GRK3: variants seen among roughly 807,000 people sequenced by gnomAD.
The protein encoded by GRK3 is adrenergic, beta, receptor kinase 2.
GRK3 carries 54 observed loss-of-function variants against 95.7 expected under a neutral mutation model. The ratio of observed to expected loss-of-function variants is 0.56; its 90% CI spans 0.45 to 0.71. GRK3 has a LOEUF of 0.71. GRK3 is among the 30% of genes least tolerant of loss of function. The probability of loss-of-function intolerance (pLI) is 0.00; values close to 1 mark genes in which losing one functional copy is unlikely to be tolerated. For synonymous variants in GRK3, 281 were observed against 290.8 expected (o/e 0.97, Z 0.34); for missense variants, 649 against 851.2 (o/e 0.76, Z 2.96).
At chr22:25,576,018 A>G (rs1381534199) in intron 1 of GRK3, among the ~76,000 whole-genome samples, 1 of 152,228 alleles carries the variant, frequency 6.6e-6, no homozygotes, top group East Asian at 1.9e-4. Flanking sequence ...GACCCTTTTG[A>G]GAATCCTACT....
intron 2 of GRK3, among the ~76,000 whole-genome samples, chr22:25,632,732 C>T (rs978839645): frequency 2.0e-5 from 3 of 152,144 alleles, no homozygotes; most frequent in African/African-American, 7.2e-5. Flanking sequence ...AATGTTGCAG[C>T]ACCATTTGTT....
At chr22:25,679,022 G>C (rs976291225) in intron 9 of GRK3, 107 bp downstream of exon 9, 8 of 719,680 alleles carry the variant, frequency 1.1e-5, no homozygotes, top group African/African-American at 1.8e-5. Context: ...GTGAGTTCTT[G>C]GGTGGGTTAG....
At chr22:25,660,700 A>G (rs978052079) in intron 3 of GRK3, among the ~76,000 whole-genome samples, 1 of 152,220 alleles carries the variant, frequency 6.6e-6, no homozygotes, top group African/African-American at 2.4e-5. Context: ...AAAGGAAGTC[A>G]TATGTACTAA....
At chr22:25,581,038 C>G (rs977390506) in intron 1 of GRK3, 7 of 152,050 alleles carry the variant, frequency 4.6e-5, no homozygotes, top group African/African-American at 1.7e-4. Context: ...TCACTTGAAC[C>G]CAGGAGAGTG....
At chr22:25,599,736 A>C (rs2084396762) in intron 1 of GRK3, among the ~76,000 whole-genome samples, 1 of 152,220 alleles carries the variant, frequency 6.6e-6, no homozygotes, top group African/African-American at 2.4e-5. Flanking sequence ...TCACTACAGA[A>C]GATACATGAA....
chr22:25,690,080 G>A, intron 11 of GRK3, 109 bp from the exon 12 acceptor site: 2 of 736,636 alleles, frequency 2.7e-6, no homozygotes, highest in South Asian at 3.6e-5. Context: ...TTGTGTTTAG[G>A]AACAAACTAT....
At chr22:25,669,422 G>T (rs1051838350) in intron 6 of GRK3, among the ~76,000 whole-genome samples, 1 of 152,212 alleles carries the variant, frequency 6.6e-6, no homozygotes, top group South Asian at 2.1e-4. Flanking sequence ...CAGTTGCTCA[G>T]CAGGACAACG....
intron 15 of GRK3, among the ~76,000 whole-genome samples, chr22:25,707,548 A>G (rs948069704): frequency 2.6e-5 from 4 of 152,330 alleles, no homozygotes; most frequent in South Asian, 2.1e-4. Flanking sequence ...ACAGGTCCAG[A>G]TAGTGAGAAG....
chr22:25,566,347 T>G (rs1171210448), intron 1 of GRK3, among the ~76,000 whole-genome samples: 1 of 152,260 alleles, frequency 6.6e-6, no homozygotes, highest in Non-Finnish European at 1.5e-5. Context: ...CCAAGATTGC[T>G]TAAATGTTAC....
At chr22:25,666,871 G>T (rs1239374242) in intron 5 of GRK3, among the ~76,000 whole-genome samples, 1 of 152,024 alleles carries the variant, frequency 6.6e-6, no homozygotes, top group Non-Finnish European at 1.5e-5. Flanking sequence ...ATTGACTCTG[G>T]GCTGAACTGT....
intron 20 of GRK3, among the ~76,000 whole-genome samples, chr22:25,721,930 A>G (rs932596193): frequency 1.3e-5 from 2 of 152,252 alleles, no homozygotes; most frequent in Non-Finnish European, 2.9e-5. Context: ...CATTACATAC[A>G]TGAATATATA....
chr22:25,633,578 C>G (rs1296372799), intron 2 of GRK3, among the ~76,000 whole-genome samples: 1 of 151,714 alleles, frequency 6.6e-6, no homozygotes, highest in Non-Finnish European at 1.5e-5. Flanking sequence ...ATTAATTGTC[C>G]TGTTGCTTAA....
At chr22:25,636,608 A>G (rs1012888159) in intron 2 of GRK3, among the ~76,000 whole-genome samples, 5 of 152,262 alleles carry the variant, frequency 3.3e-5, no homozygotes, top group South Asian at 2.1e-4. Context: ...ACTGTACACA[A>G]TTTAATTCTG....
At position 25,726,693 on chromosome 22, in the gene GRK3, T is replaced by C. The variant is rs2085476803; in HGVS notation, c.*4243T>C. The C allele has an allele frequency of 6.6e-6, 1 of 152,206 alleles. No individual in the cohort carries two copies. Among genetic ancestry groups the C allele is most frequent in the Non-Finnish European group, 1.5e-5 (1 of 68,030 alleles). 9.4% of individuals were successfully genotyped at this position (152,206 alleles called of 1,614,324 possible). On this transcript the variant is annotated 3_prime_UTR_variant, in exon 21 of 21. Coordinates refer to ENST00000324198, the MANE Select transcript of GRK3 (RefSeq NM_005160.4). ...AGTTAAAATAGGTGAAGTTTCTTTT[T>C]TCCCCCCTGTAACAGGAGAGTTTTC...
At chr22:25,711,196 AT>A in intron 17 of GRK3, 33 bp downstream of exon 17, 1 of 1,430,426 alleles carries the variant, frequency 7.0e-7, no homozygotes, top group Non-Finnish European at 9.7e-7. Context: ...CTTTATTTTT[AT>A]TTTTGGATGG....
intron 17 of GRK3, 39 bp from the exon 18 acceptor site, chr22:25,714,369 T>A: frequency 1.3e-6 from 2 of 1,577,866 alleles, no homozygotes; most frequent in Non-Finnish European, 1.7e-6. Flanking sequence ...TTTGTAAGTA[T>A]GTTAAATCAT....
At chr22:25,578,308 C>A (rs1569150849) in intron 1 of GRK3, among the ~76,000 whole-genome samples, 1 of 152,086 alleles carries the variant, frequency 6.6e-6, no homozygotes, top group African/African-American at 2.4e-5. Flanking sequence ...AAGGAGCCAT[C>A]CAAGAAATGT....
intron 12 of GRK3, among the ~76,000 whole-genome samples, chr22:25,694,468 C>T (rs1324122409): frequency 6.6e-6 from 1 of 152,204 alleles, no homozygotes; most frequent in Non-Finnish European, 1.5e-5. Flanking sequence ...TGATTTTTCT[C>T]AACTTCCTGA....
At chr22:25,698,897 G>A (rs1191540055) in intron 13 of GRK3, among the ~76,000 whole-genome samples, 1 of 152,156 alleles carries the variant, frequency 6.6e-6, no homozygotes, top group African/African-American at 2.4e-5. Context: ...GTGTTTTCGT[G>A]GAGTGTGTTT....
Sources: allele counts gnomAD v4.1 joint callset (sites outside exome capture counted in the v4.1 genomes callset), GRCh38; gene constraint gnomAD v4.1.1; transcripts MANE v1.5; gene names NCBI Gene and HGNC (gene_info 2026-07-23, HGNC 2026-07-21).